ITSN2: variants seen among roughly 807,000 people sequenced by gnomAD.
The protein encoded by ITSN2 is intersectin 2, also known as intersectin-2.
Under a neutral mutation model 243.7 loss-of-function variants are expected in ITSN2, and 156 were observed. The observed-to-expected ratio is 0.64, with a 90% CI of 0.56 to 0.73. The LOEUF (loss-of-function observed/expected upper bound fraction) is 0.73, where lower values mean the gene tolerates loss of function less well. ITSN2 is among the 30% of genes least tolerant of loss of function. The pLI is 0.00. For missense variants in ITSN2, 1,801 were observed against 1,996.1 expected (o/e 0.90, Z 1.86); for synonymous variants, 703 against 699.9 (o/e 1.00, Z -0.07).
At position 24,204,356 on chromosome 2, in the gene ITSN2, G is replaced by A; in HGVS notation, c.4825C>T (p.Gln1609Ter). Reference sequence around the variant, plus strand: ...TTCCACTTGGGATTGAGTGTGTCCTGGATGGTCCTGGTGGTGTAGCTCTGG... The same window carrying A: ...TTCCACTTGGGATTGAGTGTGTCCTAGATGGTCCTGGTGGTGTAGCTCTGG... ...GSQSYTTRTIQDTLNPKWNFN... is the reference protein window; with the variant it reads ...GSQSYTTRTI Residue 1609 changes from glutamine (Q) to a stop codon, truncating the protein, a stop_gained, in exon 39 of 40, where the codon CAG (glutamine) becomes TAG (stop). Coordinates refer to ENST00000355123, the MANE Select transcript of ITSN2 (RefSeq NM_006277.3). LOFTEE classifies it high-confidence loss of function. The surrounding 1 kb of genome is among the most constrained non-coding windows in gnomAD (Gnocchi z 5.1). The A allele has an allele frequency of 6.2e-7, 1 of 1,614,168 alleles. No homozygotes were observed. Among genetic ancestry groups the A allele is most frequent in the South Asian group, 1.1e-5 (1 of 91,082 alleles).
rs1673720321 is a variant in ITSN2, at chr2:24,248,703, G to A, written c.3214C>T (p.Leu1072Phe). 1.2e-6 allele frequency: 2 copies of A among 1,613,350 alleles called. No individual in the cohort carries two copies. The highest frequency in any genetic ancestry group is 1.3e-5 in the African/African-American group (1 of 74,994). Residue 1072 changes from leucine (L) to phenylalanine (F), a missense_variant, in exon 27 of 40, where the codon CTT (leucine) becomes TTT (phenylalanine). Physicochemically the swap from Leu to Phe is conservative, Grantham distance 22. Transcript: ENST00000355123. The part of the protein sequence containing the change: ...SAYVASGSEQ[L>F]SLAPGQLILI... ...ATTAACTGTCCTGGTGCAAGGCTAA[G>A]TTGTTCAGAACCAGAAGCAACATAT...
intron 13 of ITSN2, among the ~76,000 whole-genome samples, chr2:24,297,845 T>C (rs1292574732): frequency 6.6e-6 from 1 of 152,236 alleles, no homozygotes; most frequent in Non-Finnish European, 1.5e-5. Flanking sequence ...TCTGAACTGA[T>C]GCTACAACAT....
intron 9 of ITSN2, 66 bp from the exon 10 acceptor site, chr2:24,302,168 T>A: frequency 9.9e-7 from 1 of 1,008,302 alleles, no homozygotes; most frequent in Non-Finnish European, 1.4e-6. Context: ...GCCTTAAAAG[T>A]TCAATTTTTA....
chr2:24,246,367 C>G (rs2151288946), intron 28 of ITSN2, 47 bp from the exon 29 acceptor site: 2 of 1,112,616 alleles, frequency 1.8e-6, no homozygotes, highest in Non-Finnish European at 2.6e-6. Context: ...TTAATTATTC[C>G]TGCAAGGGTC....
At chr2:24,319,602 GTGGGACTAATT>G (rs1428033042) in intron 2 of ITSN2, among the ~76,000 whole-genome samples, 2 of 152,168 alleles carry the variant, frequency 1.3e-5, no homozygotes, top group Non-Finnish European at 2.9e-5. Flanking sequence ...AACAAAACAA[GTGGGACTAATT>G]TGGGCAATCC....
At chr2:24,304,910 T>C (rs1368404284) in intron 8 of ITSN2, among the ~76,000 whole-genome samples, 1 of 152,206 alleles carries the variant, frequency 6.6e-6, no homozygotes, top group Non-Finnish European at 1.5e-5. Flanking sequence ...TGAACATGTA[T>C]GTACACTCTT....
In ITSN2 at chr2:24,293,730, A is replaced by G. The variant is rs760768229; in HGVS notation, c.1681T>C (p.Leu561=). Residue 561 remains leucine, a synonymous_variant, in exon 15 of 40, where the codon TTA becomes CTA. Transcript: ENST00000355123. ...TGCATGTTTTTAATTCTTTCATTTA[A>G]TAATTGCTTCTCAGGTACCAGATAG... ...LIYLVPEKQL[L]NERIKNMQFS... 1.4e-5 allele frequency: 18 copies of G among 1,265,676 alleles called. No individual in the cohort carries two copies. In the South Asian group the frequency reaches 2.5e-4, roughly 18 times the overall value. 78.4% of individuals were successfully genotyped at this position (1,265,676 alleles called of 1,614,324 possible). A position where few individuals can be genotyped will look rare whatever the true frequency, so the allele number is the denominator to read the frequency against.
intron 2 of ITSN2, among the ~76,000 whole-genome samples, chr2:24,326,894 G>C (rs915212042): frequency 6.6e-6 from 1 of 152,058 alleles, no homozygotes; most frequent in African/African-American, 2.4e-5. Flanking sequence ...CTGAAAACAA[G>C]TTTAAAAAAC....
chr2:24,251,815 C>T lies in ITSN2; in HGVS notation c.3120+530G>A, dbSNP rs140825116. 7.3e-3 allele frequency among the ~76,000 whole-genome samples: 1,103 copies of T among 151,566 alleles called. 8 individuals carry two copies. Among genetic ancestry groups the T allele is most frequent in the African/African-American group, 0.026 (1,060 of 41,296 alleles). On this transcript the variant is annotated intron_variant, in intron 25 of 39. Transcript: ENST00000355123. ...AATTTCGCTTTTCAAATTTCTGATA[C>T]GGTAAATATCATTAGCTATACTGAA...
At chr2:24,348,437 G>A (rs1329933329) in intron 1 of ITSN2, among the ~76,000 whole-genome samples, 1 of 151,972 alleles carries the variant, frequency 6.6e-6, no homozygotes, top group Non-Finnish European at 1.5e-5. Context: ...TGATCCACCC[G>A]CCTCAGCTTC....
At chr2:24,260,871 T>C (rs1203099838) in intron 22 of ITSN2, among the ~76,000 whole-genome samples, 1 of 126,882 alleles carries the variant, frequency 7.9e-6, no homozygotes, top group Non-Finnish European at 1.6e-5. Context: ...ACCATTGCAC[T>C]CCAGCCTGGG....
chr2:24,300,262 T>A, intron 11 of ITSN2, 91 bp from the exon 12 acceptor site: 1 of 1,230,316 alleles, frequency 8.1e-7, no homozygotes, highest in South Asian at 1.5e-5. Context: ...TTGTGATCAT[T>A]TGAGTGCTAT....
intron 1 of ITSN2, among the ~76,000 whole-genome samples, chr2:24,343,963 C>A (rs1216822001): frequency 2.6e-5 from 4 of 152,106 alleles, no homozygotes; most frequent in African/African-American, 9.7e-5. Flanking sequence ...ACCTGAAGAC[C>A]CAGTCCTGAT....
intron 15 of ITSN2, among the ~76,000 whole-genome samples, chr2:24,288,384 A>G (rs1280761983): frequency 4.6e-5 from 7 of 152,054 alleles, no homozygotes; most frequent in African/African-American, 1.7e-4. Flanking sequence ...ATGTCTTGTA[A>G]TTGACAAAAA....
chr2:24,227,939 G>A (rs1333435906), intron 29 of ITSN2, among the ~76,000 whole-genome samples: 1 of 152,058 alleles, frequency 6.6e-6, no homozygotes, highest in Non-Finnish European at 1.5e-5. Context: ...GAGACACAGA[G>A]GACAGAATGA....
intron 18 of ITSN2, 24 bp from the exon 19 acceptor site, chr2:24,271,965 T>C: frequency 6.8e-7 from 1 of 1,466,764 alleles, no homozygotes; most frequent in Non-Finnish European, 9.2e-7. Flanking sequence ...AAAAAGAGTT[T>C]GTATAATGTC....
chr2:24,337,315 AATATATATATATATATATATATATAT>A (rs201712131), intron 1 of ITSN2, among the ~76,000 whole-genome samples: 4 of 32,020 alleles, frequency 1.2e-4, no homozygotes, highest in Non-Finnish European at 1.7e-4. Flanking sequence ...GTATACACAA[AATATATATATATATATATATATATAT>A]ATATATATAT....
intron 17 of ITSN2, among the ~76,000 whole-genome samples, chr2:24,279,726 C>CTTTTTTT (rs955431908): frequency 2.0e-4 from 16 of 78,244 alleles, no homozygotes; most frequent in Admixed American, 4.6e-4. Flanking sequence ...TGTGAATTTT[C>CTTTTTTT]TTTTTTTTTT....
chr2:24,271,133 A>G (rs1295571488), intron 19 of ITSN2, among the ~76,000 whole-genome samples: 1 of 152,172 alleles, frequency 6.6e-6, no homozygotes, highest in African/African-American at 2.4e-5. Context: ...ATAACAGGGA[A>G]GTAAAGGACA....
Sources: allele counts gnomAD v4.1 joint callset (sites outside exome capture counted in the v4.1 genomes callset), GRCh38; gene constraint gnomAD v4.1.1; non-coding constraint Gnocchi (gnomAD v3.1); transcripts MANE v1.5; gene names NCBI Gene and HGNC (gene_info 2026-07-23, HGNC 2026-07-21).